The following HIVEP3 variants were observed in gnomAD, a reference collection of about 807,000 sequenced individuals.
HIVEP3 encodes the protein transcription factor HIVEP3.
A neutral mutation model predicts 152.8 loss-of-function variants in HIVEP3; 49 were observed. That is an observed-to-expected ratio of 0.32 (90% CI 0.26 to 0.41). The LOEUF (loss-of-function observed/expected upper bound fraction) is 0.41, where lower values mean the gene tolerates loss of function less well. Ranked by LOEUF, HIVEP3 falls within the 10% of genes least tolerant of loss-of-function variation. The pLI, the probability that HIVEP3 is intolerant of heterozygous loss-of-function variation, is 1.00. For synonymous variants in HIVEP3, 1,269 were observed against 1,289.0 expected (o/e 0.98, Z 0.33); for missense variants, 2,790 against 3,103.3 (o/e 0.90, Z 2.40).
At chr1:42,014,058 T>C (rs1645507835) in intron 1 of HIVEP3, among the ~76,000 whole-genome samples, 1 of 152,202 alleles carries the variant, frequency 6.6e-6, no homozygotes, top group South Asian at 2.1e-4. Context: ...AAGCACGGCT[T>C]TCAGTGGAGG....
chr1:41,711,066 T>C (rs1041040388), intron 1 of HIVEP3, among the ~76,000 whole-genome samples: 1 of 152,256 alleles, frequency 6.6e-6, no homozygotes, highest in African/African-American at 2.4e-5. Flanking sequence ...TCCGCTCTGC[T>C]GCGGGCCTAG....
intron 1 of HIVEP3, among the ~76,000 whole-genome samples, chr1:42,027,900 CT>C (rs1268384425): frequency 6.6e-6 from 1 of 152,206 alleles, no homozygotes; most frequent in Non-Finnish European, 1.5e-5. Flanking sequence ...TTACCTCCCC[CT>C]GGGCCCCTCC....
In HIVEP3 at chr1:41,951,977, A is replaced by AT. The variant is rs548748546; in HGVS notation, n.120-33454dup. On this transcript the variant is annotated intron_variant and non_coding_transcript_variant, in intron 1 of 3. Transcript: ENST00000489103. ...AACCAAAACATGTAGTTAGAAATAA[A>AT]TTACGTGAACAACTAGACATTCCCT... Among the ~76,000 whole-genome samples the AT allele has an allele frequency of 2.0e-3, 311 of 152,288 alleles. 1 individual carries two copies. Among genetic ancestry groups the AT allele is most frequent in the African/African-American group, 7.2e-3 (299 of 41,552 alleles).
At chr1:42,016,846 G>A (rs1023134942) in intron 1 of HIVEP3, among the ~76,000 whole-genome samples, 4 of 151,896 alleles carry the variant, frequency 2.6e-5, no homozygotes, top group East Asian at 1.9e-4. Context: ...TTCCAGTTTC[G>A]ATATTATAAA....
rs1356077178 is a variant in HIVEP3 at position 41,918,194 on chromosome 1, GCGCGCT to G, written c.-801+213_-801+218del. 7.6e-6 allele frequency among the ~76,000 whole-genome samples: 1 copy of G among 131,638 alleles called. No individual in the cohort carries two copies. Among genetic ancestry groups the G allele is most frequent in the Non-Finnish European group, 1.8e-5 (1 of 55,982 alleles). The allele number at this position is 131,638 out of a possible 152,430, so 86.4% of individuals were successfully genotyped here. On this transcript the variant is annotated intron_variant, in intron 1 of 8. Coordinates refer to ENST00000372583, the MANE Select transcript of HIVEP3 (RefSeq NM_024503.5). This position sits in a 1 kb window ranked among gnomAD's most constrained non-coding sequence, Gnocchi z 4.3. ...CCGCTCCCCAGCACCAGGCCGAGCAGCGCGCTCAGCCCACCGGGGGCACTGGCCGCC... is the reference window on the plus strand; with the variant it reads ...CCGCTCCCCAGCACCAGGCCGAGCAGCAGCCCACCGGGGGCACTGGCCGCC...
chr1:41,635,625 C>T (rs137915182), intron 2 of HIVEP3, among the ~76,000 whole-genome samples: 12 of 16,480 alleles, frequency 7.3e-4, no homozygotes, highest in East Asian at 6.3e-3. Flanking sequence ...CATATACATA[C>T]GTATGTATAT....
At chr1:41,575,153 T>C (rs1644307719) in intron 5 of HIVEP3, among the ~76,000 whole-genome samples, 1 of 152,200 alleles carries the variant, frequency 6.6e-6, no homozygotes. Flanking sequence ...AGATGGCCAT[T>C]GGGCAGTACA....
At chr1:41,835,365 C>T (rs1643090915) in intron 1 of HIVEP3, among the ~76,000 whole-genome samples, 1 of 152,156 alleles carries the variant, frequency 6.6e-6, no homozygotes, top group Non-Finnish European at 1.5e-5. Flanking sequence ...TGCGTCCCAG[C>T]ATGGCCTTTC....
intron 3 of HIVEP3, among the ~76,000 whole-genome samples, chr1:41,595,104 TAATTCCCCATGTGAATATTGTA>T (rs1644646166): frequency 2.0e-5 from 3 of 152,260 alleles, no homozygotes; most frequent in Non-Finnish European, 2.9e-5. Flanking sequence ...ATATTTTTGC[TAATTCCCCATGTGAATATTGTA>T]AATCTGGCAT....
At chr1:42,007,815 T>A (rs1645468877) in intron 1 of HIVEP3, among the ~76,000 whole-genome samples, 1 of 80,888 alleles carries the variant, frequency 1.2e-5, no homozygotes, top group Non-Finnish European at 2.9e-5. Context: ...AATACATTCA[T>A]TTGCTTAAAA....
At chr1:41,954,261 T>C (rs1425507462) in intron 1 of HIVEP3, among the ~76,000 whole-genome samples, 2 of 152,242 alleles carry the variant, frequency 1.3e-5, no homozygotes, top group African/African-American at 4.8e-5. Context: ...TGACTCCAGA[T>C]ATACTGGCTT....
At chr1:41,822,193 A>G (rs1207456557) in intron 1 of HIVEP3, among the ~76,000 whole-genome samples, 2 of 152,040 alleles carry the variant, frequency 1.3e-5, no homozygotes, top group Non-Finnish European at 2.9e-5. Flanking sequence ...GTGATCTCTC[A>G]TCCTCCAGGG....
In HIVEP3 at chr1:41,581,573, T is replaced by G. The variant is rs775127312; in HGVS notation, c.3225A>C (p.Ser1075=). The change falls in exon 4 of 9, where the codon TCA becomes TCC. Residue 1075 remains serine (S), a synonymous_variant. Transcript: ENST00000372583. The surrounding 1 kb of genome is among the most constrained non-coding windows in gnomAD (Gnocchi z 4.5). ...AGCTTTTGGCAGAGGGTTTACTGGA[T>G]GAGGGCTGTGGTTCTTCGCTCTCCT... ...GRQESEEPQP[S]SSKPSAKSSL... The G allele has an allele frequency of 1.2e-6, 2 of 1,611,694 alleles. No homozygotes were observed. The highest frequency in any genetic ancestry group is 2.2e-5 in the South Asian group (2 of 90,686).
chr1:41,518,593 GC>G, intron 6 of HIVEP3, 105 bp from the exon 7 acceptor site: 1 of 1,034,316 alleles, frequency 9.7e-7, no homozygotes, highest in Non-Finnish European at 1.5e-6. Context: ...GGTTTCTCAG[GC>G]CAGTCAAGGC....
chr1:41,932,338 A>T (rs1645000320), intron 1 of HIVEP3, among the ~76,000 whole-genome samples: 1 of 151,802 alleles, frequency 6.6e-6, no homozygotes, highest in African/African-American at 2.4e-5. Flanking sequence ...GCTTTTAACT[A>T]TAACTTCAAT....
Position 41,566,688 on chromosome 1 carries a change from T to C in HIVEP3, c.5207+8856A>G, listed in dbSNP as rs893899514. 6.6e-5 allele frequency among the ~76,000 whole-genome samples: 10 copies of C among 152,128 alleles called. No homozygotes were observed. The East Asian group carries it at 1.9e-3, about 29-fold the overall frequency. On this transcript the variant is annotated intron_variant, in intron 5 of 8. Transcript: ENST00000372583. ...ACCAGTCACCTGCACAGGGCCCTGT[T>C]GAATGGGCACGTGCCACATGCCTGT...
intron 5 of HIVEP3, among the ~76,000 whole-genome samples, chr1:41,532,321 G>A (rs1643286179): frequency 6.6e-6 from 1 of 151,952 alleles, no homozygotes; most frequent in African/African-American, 2.4e-5. Flanking sequence ...GGACAGAAGA[G>A]ATGGAGGACA....
chr1:42,003,578 T>G (rs547778206), intron 1 of HIVEP3, among the ~76,000 whole-genome samples: 1 of 152,014 alleles, frequency 6.6e-6, no homozygotes, highest in East Asian at 1.9e-4. Flanking sequence ...TGGGAGCAAG[T>G]CCCCCAGGCA....
intron 1 of HIVEP3, among the ~76,000 whole-genome samples, chr1:41,996,168 G>C (rs1249091938): frequency 6.6e-6 from 1 of 151,902 alleles, no homozygotes; most frequent in Non-Finnish European, 1.5e-5. Context: ...TGAGGTGAGA[G>C]GATCAATTGA....
Sources: allele counts gnomAD v4.1 joint callset (sites outside exome capture counted in the v4.1 genomes callset), GRCh38; gene constraint gnomAD v4.1.1; non-coding constraint Gnocchi (gnomAD v3.1); transcripts MANE v1.5; gene names NCBI Gene and HGNC (gene_info 2026-07-23, HGNC 2026-07-21).